NRXN3: variants seen among roughly 807,000 people sequenced by gnomAD.
NRXN3 encodes neurexin 3.
A neutral mutation model predicts 137.6 loss-of-function variants in NRXN3; 32 were observed. The observed-to-expected ratio is 0.23, with a 90% CI of 0.18 to 0.31. The LOEUF is 0.31. Ranked by LOEUF, NRXN3 falls within the 10% of genes least tolerant of loss-of-function variation. NRXN3 has a pLI of 1.00. For synonymous variants in NRXN3, 798 were observed against 784.5 expected, an observed-to-expected ratio of 1.02 and a Z score of -0.29; for missense variants, 1,574 against 2,062.5, an observed-to-expected ratio of 0.76 and a Z score of 4.59.
At chr14:79,693,876 G>A (rs2098725454) in intron 18 of NRXN3, among the ~76,000 whole-genome samples, 1 of 151,848 alleles carries the variant, frequency 6.6e-6, no homozygotes, top group African/African-American at 2.4e-5. Flanking sequence ...AGAATTATTT[G>A]CAAACCGTGA....
chr14:79,537,574 G>A (rs2153729166), intron 16 of NRXN3, among the ~76,000 whole-genome samples: 1 of 152,204 alleles, frequency 6.6e-6, no homozygotes, highest in Middle Eastern at 3.4e-3. Flanking sequence ...AGTTTGCTGA[G>A]AATGATGGTT....
At chr14:79,651,554 T>G (rs1322259445) in intron 16 of NRXN3, among the ~76,000 whole-genome samples, 1 of 152,164 alleles carries the variant, frequency 6.6e-6, no homozygotes, top group African/African-American at 2.4e-5. Flanking sequence ...AAAAGAATTG[T>G]TCCATTAAAA....
intron 16 of NRXN3, among the ~76,000 whole-genome samples, chr14:79,489,001 T>G (rs1280028746): frequency 1.3e-5 from 2 of 152,168 alleles, no homozygotes; most frequent in African/African-American, 2.4e-5. Flanking sequence ...AGGGTTATAA[T>G]CTATATCTTG....
chr14:79,619,490 A>G (rs879168281), intron 16 of NRXN3, among the ~76,000 whole-genome samples: 8 of 151,942 alleles, frequency 5.3e-5, no homozygotes, highest in African/African-American at 1.9e-4. Flanking sequence ...GCTTGTGACC[A>G]TGAGATTTTA....
chr14:78,669,174 A>G (rs1221086109), intron 6 of NRXN3, among the ~76,000 whole-genome samples: 1 of 152,208 alleles, frequency 6.6e-6, no homozygotes, highest in East Asian at 1.9e-4. Context: ...CCATAGAGAG[A>G]GAATAGCGTC....
At chr14:79,442,865 G>C (rs890951134) in intron 15 of NRXN3, among the ~76,000 whole-genome samples, 2 of 152,220 alleles carry the variant, frequency 1.3e-5, no homozygotes, top group African/African-American at 4.8e-5. Context: ...ACTGTTCCGT[G>C]TGATCAGTGT....
intron 15 of NRXN3, among the ~76,000 whole-genome samples, chr14:79,265,822 T>C (rs941383225): frequency 2.0e-5 from 3 of 152,222 alleles, no homozygotes; most frequent in Non-Finnish European, 4.4e-5. Context: ...ATATGCCTGC[T>C]GAGGGCTTCT....
chr14:79,780,050 A>C (rs1258968429), intron 19 of NRXN3, among the ~76,000 whole-genome samples: 1 of 151,988 alleles, frequency 6.6e-6, no homozygotes, highest in Non-Finnish European at 1.5e-5. Flanking sequence ...TTTAAATGTT[A>C]TCTCTCTTTA....
chr14:79,228,360 A>AC, intron 15 of NRXN3, among the ~76,000 whole-genome samples: 1 of 151,922 alleles, frequency 6.6e-6, no homozygotes, highest in Non-Finnish European at 1.5e-5. Flanking sequence ...AAAATCTAAA[A>AC]AAAAATTAAA....
intron 15 of NRXN3, among the ~76,000 whole-genome samples, chr14:79,374,602 T>C (rs2094206565): frequency 6.6e-6 from 1 of 152,054 alleles, no homozygotes; most frequent in African/African-American, 2.4e-5. Flanking sequence ...ACCCCTTATC[T>C]TGACTTAAGC....
At chr14:79,836,502 A>T (rs920859586) in intron 20 of NRXN3, among the ~76,000 whole-genome samples, 2 of 150,340 alleles carry the variant, frequency 1.3e-5, no homozygotes, top group African/African-American at 4.8e-5. Context: ...ACACAAAGCT[A>T]CCTGTGGTGA....
intron 16 of NRXN3, among the ~76,000 whole-genome samples, chr14:79,600,046 T>C (rs1340742499): frequency 2.0e-4 from 30 of 152,130 alleles, no homozygotes; most frequent in Admixed American, 2.0e-3. Flanking sequence ...GAGGTGGCTA[T>C]TACTAATTTC....
intron 16 of NRXN3, among the ~76,000 whole-genome samples, chr14:79,472,742 G>C (rs1370163328): frequency 6.6e-6 from 1 of 152,108 alleles, no homozygotes; most frequent in Non-Finnish European, 1.5e-5. Context: ...CCCACATCTA[G>C]GCTTTAAGGA....
At chr14:78,927,799 A>G (rs154341) in intron 10 of NRXN3, among the ~76,000 whole-genome samples, 49,973 of 151,924 alleles carry the variant, frequency 0.33, 10,316 homozygotes, top group African/African-American at 0.58. Flanking sequence ...ATATTTGTGC[A>G]TTTTTCCCCA....
At chr14:78,629,267 A>G (rs188293913) in intron 4 of NRXN3, among the ~76,000 whole-genome samples, 93 of 152,324 alleles carry the variant, frequency 6.1e-4, no homozygotes, top group African/African-American at 1.8e-3. Context: ...GAGAAAAAAT[A>G]AGTATTGGCT....
At chr14:79,824,040 C>T (rs1249625809) in intron 20 of NRXN3, 1 of 365,308 alleles carries the variant, frequency 2.7e-6, no homozygotes, top group Non-Finnish European at 6.0e-6. Flanking sequence ...GTGGCTTTCA[C>T]CAGAGTCTTG....
intron 15 of NRXN3, among the ~76,000 whole-genome samples, chr14:79,462,811 A>G (rs1000419834): frequency 1.1e-4 from 11 of 102,072 alleles, no homozygotes; most frequent in African/African-American, 4.7e-4. Flanking sequence ...GCACACACAC[A>G]TAGACAAATA....
intron 4 of NRXN3, among the ~76,000 whole-genome samples, chr14:78,450,756 G>A (rs991059566): frequency 4.5e-4 from 69 of 152,238 alleles, no homozygotes; most frequent in African/African-American, 1.5e-3. Flanking sequence ...AAGCAAAGCC[G>A]CTGTTGATTT....
At chr14:78,611,676 C>A (rs757855397) in intron 4 of NRXN3, among the ~76,000 whole-genome samples, 53 of 152,252 alleles carry the variant, frequency 3.5e-4, no homozygotes, top group Non-Finnish European at 4.4e-4. Flanking sequence ...AGCTGCATTG[C>A]AAGTCAGATT....
Sources: allele counts gnomAD v4.1 joint callset (sites outside exome capture counted in the v4.1 genomes callset), GRCh38; gene constraint gnomAD v4.1.1; transcripts MANE v1.5; gene names NCBI Gene and HGNC (gene_info 2026-07-23, HGNC 2026-07-21).